Variants in CPQ observed in about 807,000 individuals in gnomAD.
CPQ encodes the protein carboxypeptidase Q.
Under a neutral mutation model 45.7 loss-of-function variants are expected in CPQ, and 37 were observed. The ratio of observed to expected loss-of-function variants is 0.81; its 90% CI spans 0.62 to 1.07. CPQ has a LOEUF of 1.07. Among genes scored for constraint, CPQ ranks in the 50% least tolerant of loss-of-function variants. CPQ has a pLI of 0.00. For missense variants in CPQ, 537 were observed against 572.9 expected (o/e 0.94, Z 0.64); for synonymous variants, 186 against 205.8 (o/e 0.90, Z 0.82).
At chr8:97,050,390 C>T (rs181339464) in intron 6 of CPQ, among the ~76,000 whole-genome samples, 2 of 152,242 alleles carry the variant, frequency 1.3e-5, no homozygotes, top group African/African-American at 4.8e-5. Flanking sequence ...GAATACAATA[C>T]AATGAATATG....
intron 4 of CPQ, among the ~76,000 whole-genome samples, chr8:96,950,302 T>C (rs893459480): frequency 3.9e-5 from 6 of 152,168 alleles, no homozygotes; most frequent in African/African-American, 1.4e-4. Flanking sequence ...CAAAACATAA[T>C]ATTGTTTTCT....
intron 7 of CPQ, among the ~76,000 whole-genome samples, chr8:97,090,789 G>C (rs1041035136): frequency 6.6e-6 from 1 of 152,090 alleles, no homozygotes; most frequent in Admixed American, 6.6e-5. Context: ...GTTCTCAAGC[G>C]GTTCTTTGGA....
At chr8:96,820,190 C>T (rs993714455) in intron 2 of CPQ, among the ~76,000 whole-genome samples, 5 of 151,982 alleles carry the variant, frequency 3.3e-5, no homozygotes, top group Non-Finnish European at 7.4e-5. Context: ...AGTTATCGAT[C>T]TGTAGGCTGC....
At chr8:97,120,621 G>A (rs975663756) in intron 7 of CPQ, among the ~76,000 whole-genome samples, 1 of 152,200 alleles carries the variant, frequency 6.6e-6, no homozygotes, top group Non-Finnish European at 1.5e-5. Flanking sequence ...ATGGAAAGAT[G>A]AAGAATACAA....
intron 4 of CPQ, among the ~76,000 whole-genome samples, chr8:96,913,200 A>G (rs1414770911): frequency 6.6e-6 from 1 of 152,252 alleles, no homozygotes; most frequent in Non-Finnish European, 1.5e-5. Context: ...AACCATGTAT[A>G]TAGCTCCAGA....
intron 6 of CPQ, among the ~76,000 whole-genome samples, chr8:97,029,801 A>G (rs1309367039): frequency 6.6e-6 from 1 of 152,158 alleles, no homozygotes; most frequent in Non-Finnish European, 1.5e-5. Context: ...TCAGAGAAAT[A>G]GTTATAGGCA....
chr8:97,113,189 C>G (rs906965752), intron 7 of CPQ, among the ~76,000 whole-genome samples: 2 of 152,074 alleles, frequency 1.3e-5, no homozygotes, highest in Non-Finnish European at 2.9e-5. Context: ...GCAAGGAAGG[C>G]AGATGATCAA....
At chr8:96,703,240 T>G (rs1272894441) in intron 1 of CPQ, among the ~76,000 whole-genome samples, 1 of 152,186 alleles carries the variant, frequency 6.6e-6, no homozygotes, top group East Asian at 1.9e-4. Flanking sequence ...ATATTTTTTT[T>G]GGCAAAGATT....
At chr8:97,138,423 G>A (rs1812100481) in intron 7 of CPQ, among the ~76,000 whole-genome samples, 1 of 152,108 alleles carries the variant, frequency 6.6e-6, no homozygotes, top group African/African-American at 2.4e-5. Flanking sequence ...TGGCATCCTG[G>A]GGCAATGGAG....
At chr8:97,071,796 A>C (rs1810748183) in intron 7 of CPQ, among the ~76,000 whole-genome samples, 2 of 152,214 alleles carry the variant, frequency 1.3e-5, no homozygotes, top group South Asian at 4.1e-4. Flanking sequence ...TCGCTTAAAA[A>C]GAACTTTGCA....
chr8:96,800,567 A>G (rs1044819138), intron 2 of CPQ, among the ~76,000 whole-genome samples: 1 of 152,212 alleles, frequency 6.6e-6, no homozygotes, highest in Non-Finnish European at 1.5e-5. Flanking sequence ...GGCAAGATCT[A>G]TGTGGGAGAG....
intron 4 of CPQ, among the ~76,000 whole-genome samples, chr8:96,965,415 C>A (rs2130361646): frequency 6.7e-6 from 1 of 149,662 alleles, no homozygotes; most frequent in South Asian, 2.1e-4. Flanking sequence ...GCTCTGCCAC[C>A]CCGGAGTGCA....
intron 1 of CPQ, among the ~76,000 whole-genome samples, chr8:96,681,848 A>G (rs182597913): frequency 4.9e-4 from 74 of 152,290 alleles, no homozygotes; most frequent in African/African-American, 1.7e-3. Flanking sequence ...GATGTGAGAC[A>G]TGGAGTCAAA....
chr8:96,783,260 A>AGTGTGTGTGTGTGTGTGT (rs71267280), intron 1 of CPQ, among the ~76,000 whole-genome samples: 132 of 147,980 alleles, frequency 8.9e-4, no homozygotes, highest in African/African-American at 3.1e-3. Context: ...TAGTTGTGTG[A>AGTGTGTGTGTGTGTGTGT]GTGTGTGTGT....
intron 1 of CPQ, among the ~76,000 whole-genome samples, chr8:96,776,817 T>G (rs1427497076): frequency 6.6e-6 from 1 of 152,148 alleles, no homozygotes; most frequent in East Asian, 1.9e-4. Flanking sequence ...TTTCAAACAG[T>G]GCTCCAAAGT....
chr8:97,124,286 A>G (rs1010163940), intron 7 of CPQ, among the ~76,000 whole-genome samples: 1 of 151,826 alleles, frequency 6.6e-6, no homozygotes, highest in South Asian at 2.1e-4. Flanking sequence ...TGAAAACTAC[A>G]TGAAGAAAAA....
Position 96,895,445 on chromosome 8 carries a change from G to T in CPQ, c.849+15440G>T, listed in dbSNP as rs545062781. Among the ~76,000 whole-genome samples the T allele has an allele frequency of 2.0e-3, 303 of 152,198 alleles. 2 individuals are homozygous for T. Among genetic ancestry groups the T allele is most frequent in the African/African-American group, 6.8e-3 (282 of 41,530 alleles). On this transcript the variant is annotated intron_variant, in intron 4 of 7. Transcript: ENST00000220763. The stretch of plus-strand genomic sequence containing the variant: ...GAAACAGAATTTTTAATGTATTTAA[G>T]TTATTCTAACAAATGGATATCCTGC...
intron 1 of CPQ, among the ~76,000 whole-genome samples, chr8:96,719,081 G>A (rs1012879009): frequency 4.6e-5 from 7 of 152,238 alleles, no homozygotes; most frequent in Non-Finnish European, 8.8e-5. Context: ...TGTGCTGTGC[G>A]CTCGCACTCC....
chr8:96,719,063 G>A (rs1362685337), intron 1 of CPQ, among the ~76,000 whole-genome samples: 1 of 152,242 alleles, frequency 6.6e-6, no homozygotes, highest in African/African-American at 2.4e-5. Context: ...GGAGCTGCCT[G>A]CCAGTCCTGT....
Sources: allele counts gnomAD v4.1 joint callset (sites outside exome capture counted in the v4.1 genomes callset), GRCh38; gene constraint gnomAD v4.1.1; transcripts MANE v1.5; gene names NCBI Gene and HGNC (gene_info 2026-07-23, HGNC 2026-07-21).